The following WIPF1 variants were observed in gnomAD, a reference collection of about 807,000 sequenced individuals.
WIPF1 encodes WAS/WASL interacting protein family member 1, also known as WAS/WASL-interacting protein family member 1.
A neutral mutation model predicts 35.4 loss-of-function variants in WIPF1; 13 were observed. That is an observed-to-expected ratio of 0.37 (90% CI 0.24 to 0.58). The LOEUF (loss-of-function observed/expected upper bound fraction) is 0.58. WIPF1 is among the 20% of genes least tolerant of loss of function. The pLI, the probability that WIPF1 is intolerant of heterozygous loss-of-function variation, is 0.74. For missense variants in WIPF1, 591 were observed against 667.0 expected, an observed-to-expected ratio of 0.89 and a Z score of 1.25; for synonymous variants, 267 against 266.3, an observed-to-expected ratio of 1.00 and a Z score of -0.02.
chr2:174,589,697 T>A (rs1485325402), intron 1 of WIPF1, among the ~76,000 whole-genome samples: 1 of 152,358 alleles, frequency 6.6e-6, no homozygotes, highest in African/African-American at 2.4e-5. Flanking sequence ...TGATTATGAA[T>A]GCAGGCCACA....
At chr2:174,575,543 G>C in intron 3 of WIPF1, 163 bp from the exon 4 acceptor site, 3 of 1,273,472 alleles carry the variant, frequency 2.4e-6, no homozygotes, top group Non-Finnish European at 3.1e-6. Flanking sequence ...AGCTCAGTCA[G>C]AACTGCCCGC....
intron 1 of WIPF1, among the ~76,000 whole-genome samples, chr2:174,585,879 C>T (rs189348066): frequency 1.5e-4 from 23 of 152,314 alleles, no homozygotes; most frequent in Admixed American, 3.9e-4. Context: ...AGGCCATGAC[C>T]GACCCAGGTG....
At chr2:174,653,741 C>CAAA (rs1175251483) in intron 1 of WIPF1, among the ~76,000 whole-genome samples, 54 of 57,866 alleles carry the variant, frequency 9.3e-4, no homozygotes, top group African/African-American at 2.8e-3. Flanking sequence ...GCCTCTGTCT[C>CAAA]AAAAAAAAAA....
intron 1 of WIPF1, among the ~76,000 whole-genome samples, chr2:174,619,412 G>A (rs1044661066): frequency 2.0e-5 from 3 of 152,074 alleles, no homozygotes; most frequent in Non-Finnish European, 4.4e-5. Context: ...ACGCCAGCCT[G>A]TGTGTCACAG....
At chr2:174,640,789 AT>A (rs879633374) in intron 1 of WIPF1, among the ~76,000 whole-genome samples, 2 of 151,976 alleles carry the variant, frequency 1.3e-5, no homozygotes, top group Admixed American at 1.3e-4. Context: ...AATTTAAAGA[AT>A]TTAAATTTAA....
intron 1 of WIPF1, among the ~76,000 whole-genome samples, chr2:174,647,483 C>A (rs1443696969): frequency 6.6e-6 from 1 of 151,994 alleles, no homozygotes; most frequent in African/African-American, 2.4e-5. Context: ...AAGCCATTCT[C>A]CTGCCTCAGC....
rs1687335006 is a variant in WIPF1, at chr2:174,643,141, C to T, written c.-39+39633G>A. Among the ~76,000 whole-genome samples, 2 of 149,158 alleles carry T rather than the reference C, an allele frequency of 1.3e-5. 1 individual carries two copies. The highest frequency in any genetic ancestry group is 5.2e-5 in the African/African-American group (2 of 38,586). On this transcript the variant is annotated intron_variant, in intron 1 of 8. Transcript: ENST00000272746. ...ACTATACTATTATATGTGGCCAATA[C>T]ATGTCTAGTTTTTGTTAATTGGACA...
intron 1 of WIPF1, among the ~76,000 whole-genome samples, chr2:174,655,312 C>T (rs1364622080): frequency 6.6e-6 from 1 of 152,176 alleles, no homozygotes; most frequent in Non-Finnish European, 1.5e-5. Flanking sequence ...CCACCTCCCT[C>T]CGTTCTTAGT....
chr2:174,586,240 C>A (rs1685419251), intron 1 of WIPF1, among the ~76,000 whole-genome samples: 1 of 152,106 alleles, frequency 6.6e-6, no homozygotes, highest in Non-Finnish European at 1.5e-5. Flanking sequence ...CAAAGACCAG[C>A]CATCCCTATC....
At chr2:174,678,954 C>T (rs1688193125) in intron 1 of WIPF1, among the ~76,000 whole-genome samples, 1 of 152,162 alleles carries the variant, frequency 6.6e-6, no homozygotes, top group Non-Finnish European at 1.5e-5. Context: ...GCAGTTCCTG[C>T]GTTTAGGCTT....
chr2:174,645,036 G>A (rs1024508012), intron 1 of WIPF1, among the ~76,000 whole-genome samples: 11 of 152,074 alleles, frequency 7.2e-5, no homozygotes, highest in Non-Finnish European at 2.9e-5. Context: ...TAGAGTAGAG[G>A]GGAAGGAATA....
chr2:174,621,677 TA>T (rs1686679291), intron 1 of WIPF1, among the ~76,000 whole-genome samples: 1 of 152,206 alleles, frequency 6.6e-6, no homozygotes, highest in African/African-American at 2.4e-5. Context: ...ATATTTTATT[TA>T]ACCTAATGTA....
At chr2:174,646,056 T>C (rs998577189) in intron 1 of WIPF1, among the ~76,000 whole-genome samples, 1 of 152,192 alleles carries the variant, frequency 6.6e-6, no homozygotes, top group Admixed American at 6.5e-5. Flanking sequence ...TCCTTTCTTT[T>C]GGGCAGAACA....
Position 174,567,011 on chromosome 2 carries a change from C to T in WIPF1, c.1456+59G>A, listed in dbSNP as rs77338811. ...AGAAGCCTGGACTTTCTATATAGCC[C>T]GAGTGTCACTCAGGCTACTCAAGCG... On this transcript the variant is annotated intron_variant, in intron 7 of 7. Transcript: ENST00000679041. 2,799 of 1,511,104 alleles carry T rather than the reference C, an allele frequency of 1.9e-3. 40 individuals carry two copies. The African/African-American group carries it at 0.033, about 18-fold the overall frequency. 93.6% of individuals were successfully genotyped at this position (1,511,104 alleles called of 1,614,324 possible).
In WIPF1 at chr2:174,571,818, G is replaced by A. The variant is rs201234000; in HGVS notation, c.987C>T (p.Asp329=). ...PPLPPSSSGN[D]ETPRLPQRNL... ...TCCGCTGTGGGAGTCTTGGGGTTTCGTCATTGCCGCTGGAACTTGGAGGCA... is the reference window on the plus strand; with the variant it reads ...TCCGCTGTGGGAGTCTTGGGGTTTCATCATTGCCGCTGGAACTTGGAGGCA... The change falls in exon 5 of 8, where the codon GAC becomes GAT. Residue 329 remains aspartate (D), a synonymous_variant. Coordinates refer to ENST00000679041, the MANE Select transcript of WIPF1 (RefSeq NM_001375834.1). The surrounding 1 kb of genome is among the most constrained non-coding windows in gnomAD (Gnocchi z 4.6). 3.3e-5 allele frequency: 54 copies of A among 1,614,092 alleles called. No homozygotes were observed. The highest frequency in any genetic ancestry group is 3.2e-4 in the Admixed American group (19 of 60,008).
intron 1 of WIPF1, among the ~76,000 whole-genome samples, chr2:174,674,120 C>T (rs953781737): frequency 2.0e-5 from 3 of 152,166 alleles, no homozygotes; most frequent in African/African-American, 4.8e-5. Flanking sequence ...TTATAATGAA[C>T]TCAGCAACGG....
intron 1 of WIPF1, among the ~76,000 whole-genome samples, chr2:174,610,286 T>C (rs1686303304): frequency 6.6e-6 from 1 of 152,166 alleles, no homozygotes; most frequent in Non-Finnish European, 1.5e-5. Flanking sequence ...CCATTTTGTG[T>C]GGGTTTTATT....
At chr2:174,595,139 T>TATAA (rs1332566404) in intron 1 of WIPF1, among the ~76,000 whole-genome samples, 4 of 101,870 alleles carry the variant, frequency 3.9e-5, no homozygotes, top group African/African-American at 1.1e-4. Context: ...TATATATATA[T>TATAA]AATTAACTGG....
At chr2:174,605,362 C>T (rs1574829469) in intron 1 of WIPF1, among the ~76,000 whole-genome samples, 2 of 152,066 alleles carry the variant, frequency 1.3e-5, no homozygotes, top group African/African-American at 2.4e-5. Context: ...TGCTTGAACC[C>T]GGAAGGCGGA....
Sources: gnomAD v4.1 joint callset for allele counts (sites outside exome capture counted in the v4.1 genomes callset) on GRCh38, gnomAD v4.1.1 for gene constraint, Gnocchi (gnomAD v3.1) non-coding constraint, MANE v1.5 for transcripts, NCBI Gene and HGNC (gene_info 2026-07-23, HGNC 2026-07-21) for gene names.